Variants in CDKN2B-AS1 observed in about 807,000 individuals in gnomAD.
CDKN2B-AS1 encodes CDKN2B antisense RNA 1 (non-protein coding).
At chr9:22,092,813 C>G (rs1272806528) in intron 4 of CDKN2B-AS1, among the ~76,000 whole-genome samples, 2 of 152,082 alleles carry the variant, frequency 1.3e-5, no homozygotes, top group African/African-American at 4.8e-5. Context: ...TTTTTTGTGT[C>G]TCTATTTCCT....
At chr9:22,108,954 C>A (rs72654210) in intron 4 of CDKN2B-AS1, among the ~76,000 whole-genome samples, 13 of 151,990 alleles carry the variant, frequency 8.6e-5, no homozygotes, top group East Asian at 1.9e-4. Flanking sequence ...ATAAAAAAAA[C>A]CCCAAAACTG....
At chr9:22,099,047 A>G (rs72652457) in intron 4 of CDKN2B-AS1, among the ~76,000 whole-genome samples, 5 of 152,230 alleles carry the variant, frequency 3.3e-5, no homozygotes, top group Non-Finnish European at 7.3e-5. Flanking sequence ...GTTAGTACAG[A>G]AAGGACATTT....
chr9:22,090,017 C>G (rs538705963), intron 4 of CDKN2B-AS1, among the ~76,000 whole-genome samples: 2 of 142,338 alleles, frequency 1.4e-5, no homozygotes, highest in East Asian at 2.1e-4. Flanking sequence ...GTGATGTTCC[C>G]CTTCCTGTGT....
intron 4 of CDKN2B-AS1, among the ~76,000 whole-genome samples, chr9:22,096,733 G>A (rs1825289182): frequency 6.6e-6 from 1 of 152,064 alleles, no homozygotes; most frequent in Non-Finnish European, 1.5e-5. Context: ...GGAACTATGT[G>A]GAGTTATTAA....
intron 3 of CDKN2B-AS1, among the ~76,000 whole-genome samples, chr9:22,051,575 A>G (rs1395335824): frequency 6.6e-6 from 1 of 152,160 alleles, no homozygotes; most frequent in Non-Finnish European, 1.5e-5. Flanking sequence ...TCTTAAAACT[A>G]ATTCTCCAAA....
chr9:22,021,663 G>A (rs958893371), intron 1 of CDKN2B-AS1, among the ~76,000 whole-genome samples: 2 of 151,936 alleles, frequency 1.3e-5, no homozygotes, highest in African/African-American at 4.8e-5. Flanking sequence ...CTTTGCTGAA[G>A]TTGTTTATCA....
intron 4 of CDKN2B-AS1, among the ~76,000 whole-genome samples, chr9:22,066,985 G>A (rs923484247): frequency 1.3e-5 from 2 of 152,152 alleles, no homozygotes; most frequent in African/African-American, 2.4e-5. Flanking sequence ...AAACACTGAT[G>A]TTCTCACTCA....
chr9:22,058,245 C>T lies in CDKN2B-AS1; in HGVS notation n.438+1858C>T, dbSNP rs563065575. 3.7e-3 allele frequency: 567 copies of T among 152,310 alleles called. 15 individuals carry two copies. The highest frequency in any genetic ancestry group is 2.3e-3 in the South Asian group (11 of 4,820). 9.4% of individuals were successfully genotyped at this position (152,310 alleles called of 1,614,324 possible). ...AAAACCAGTATTGAAAATAGATTGC[C>T]TCTCCCTTGCTTCATGGTCTGTTCT... On this transcript the variant is annotated intron_variant and non_coding_transcript_variant, in intron 4 of 4. Transcript: ENST00000650946.
intron 4 of CDKN2B-AS1, among the ~76,000 whole-genome samples, chr9:22,092,979 C>G (rs949864206): frequency 6.6e-6 from 1 of 152,176 alleles, no homozygotes; most frequent in African/African-American, 2.4e-5. Context: ...AAATTTCCCT[C>G]TACACACTGC....
intron 1 of CDKN2B-AS1, among the ~76,000 whole-genome samples, chr9:22,020,016 C>T (rs1821950494): frequency 6.6e-6 from 1 of 152,108 alleles, no homozygotes; most frequent in South Asian, 2.1e-4. Context: ...TATTTTCTCC[C>T]TCCACCCATC....
chr9:22,064,667 G>A (rs2131304163), intron 4 of CDKN2B-AS1, among the ~76,000 whole-genome samples: 1 of 152,282 alleles, frequency 6.6e-6, no homozygotes, highest in African/African-American at 2.4e-5. Context: ...GTCGTGTGTG[G>A]GTGGGTTCAC....
At chr9:22,103,647 G>A (rs1351637997) in intron 4 of CDKN2B-AS1, among the ~76,000 whole-genome samples, 2 of 152,096 alleles carry the variant, frequency 1.3e-5, no homozygotes, top group Non-Finnish European at 2.9e-5. Flanking sequence ...TAAGATTAAA[G>A]TTATAAAAAG....
Position 22,043,312 on chromosome 9 carries a change from G to A in CDKN2B-AS1, n.30-3439G>A, listed in dbSNP as rs138035360. 8.0e-3 allele frequency among the ~76,000 whole-genome samples: 1,217 copies of A among 151,714 alleles called. 10 individuals are homozygous for A. Among genetic ancestry groups the A allele is most frequent in the Non-Finnish European group, 0.011 (729 of 67,844 alleles). On this transcript the variant is annotated intron_variant and non_coding_transcript_variant, in intron 1 of 4. Coordinates refer to ENST00000650946, the Ensembl canonical transcript of CDKN2B-AS1. ...TTCATATTCATAGATTTTTTTCTAC[G>A]GTAAGAAACATATGATGTTGAATAA... is the stretch of plus-strand genomic sequence containing the variant.
At chr9:22,025,245 G>C (rs1320726982) in intron 1 of CDKN2B-AS1, among the ~76,000 whole-genome samples, 1 of 152,194 alleles carries the variant, frequency 6.6e-6, no homozygotes, top group Non-Finnish European at 1.5e-5. Context: ...GGGGCTCTCT[G>C]TCTGGTGACG....
At chr9:22,109,031 TA>T (rs1296342524) in intron 4 of CDKN2B-AS1, among the ~76,000 whole-genome samples, 2 of 152,178 alleles carry the variant, frequency 1.3e-5, no homozygotes, top group African/African-American at 4.8e-5. Context: ...TTTATGAGAT[TA>T]TTTTTTTCCC....
chr9:22,050,669 G>T (rs1173334843), intron 3 of CDKN2B-AS1, among the ~76,000 whole-genome samples: 1 of 152,166 alleles, frequency 6.6e-6, no homozygotes, highest in Non-Finnish European at 1.5e-5. Context: ...GCGGTGAAAA[G>T]TCTGTACTAA....
chr9:22,041,340 A>G (rs1433719213), intron 1 of CDKN2B-AS1, among the ~76,000 whole-genome samples: 2 of 152,090 alleles, frequency 1.3e-5, no homozygotes, highest in Non-Finnish European at 2.9e-5. Flanking sequence ...AATAAAATGT[A>G]CTGTGGAAAT....
intron 4 of CDKN2B-AS1, among the ~76,000 whole-genome samples, chr9:22,060,033 G>A (rs924247411): frequency 6.6e-6 from 1 of 152,162 alleles, no homozygotes; most frequent in Non-Finnish European, 1.5e-5. Context: ...CTCTGGGCCT[G>A]TGATGGGAGG....
chr9:22,094,312 T>C lies in CDKN2B-AS1; in HGVS notation n.439-32791T>C, dbSNP rs1431570891. 6.3e-5 allele frequency among the ~76,000 whole-genome samples: 9 copies of C among 143,628 alleles called. No homozygotes were observed. In the South Asian group the frequency reaches 8.5e-4, roughly 14 times the overall value. 94.2% of individuals were successfully genotyped at this position (143,628 alleles called of 152,430 possible). On this transcript the variant is annotated intron_variant and non_coding_transcript_variant, in intron 4 of 4. Transcript: ENST00000650946. The stretch of plus-strand genomic sequence containing the variant: ...TTATGTGTCTTGGAGTTGCTCTTCT[T>C]GAGGAGTATCTTTGTGGCATTCTCT...
Sources: allele counts gnomAD v4.1 joint callset (sites outside exome capture counted in the v4.1 genomes callset), GRCh38; gene constraint gnomAD v4.1.1; transcripts MANE v1.5; gene names NCBI Gene and HGNC (gene_info 2026-07-23, HGNC 2026-07-21).